Variants in ANOS1 observed in about 807,000 individuals in gnomAD.
ANOS1 encodes the protein anosmin-1.
Under a neutral mutation model 59.0 loss-of-function variants are expected in ANOS1, and 6 were observed. The ratio of observed to expected loss-of-function variants is 0.10; its 90% confidence interval spans 0.06 to 0.20. ANOS1 has a LOEUF of 0.20. ANOS1 is among the 10% of genes least tolerant of loss of function. The pLI, the probability that ANOS1 is intolerant of heterozygous loss-of-function variation, is 1.00. For missense variants in ANOS1, 433 were observed against 542.3 expected (o/e 0.80, Z 2.00); for synonymous variants, 217 against 223.4 (o/e 0.97, Z 0.25).
intron 7 of ANOS1, among the ~76,000 whole-genome samples, chrX:8,569,408 C>T (rs775796418): frequency 0.011 from 1,204 of 112,289 alleles, 8 homozygotes; most frequent in Non-Finnish European, 0.018. Context: ...TTTGGGAGGC[C>T]AAGGTGGGCG....
At chrX:8,650,400 C>T (rs1369226278) in intron 2 of ANOS1, among the ~76,000 whole-genome samples, 2 of 111,847 alleles carry the variant, frequency 1.8e-5, no homozygotes, top group Admixed American at 9.5e-5. Context: ...CAACAGTAGG[C>T]GTTTCAAGAG....
chrX:8,646,572 A>G (rs1047728424), intron 2 of ANOS1, among the ~76,000 whole-genome samples: 1 of 111,055 alleles, frequency 9.0e-6, no homozygotes, highest in African/African-American at 3.3e-5. Context: ...GATTACAATT[A>G]TAAGTAAAGG....
intron 3 of ANOS1, among the ~76,000 whole-genome samples, chrX:8,619,316 C>T (rs768155724): frequency 2.7e-5 from 3 of 110,609 alleles, no homozygotes; most frequent in East Asian, 5.8e-4. Context: ...TAAAAAATGA[C>T]ATTTATTGGC....
At chrX:8,596,107 G>A (rs1385872860) in intron 4 of ANOS1, among the ~76,000 whole-genome samples, 1 of 110,940 alleles carries the variant, frequency 9.0e-6, no homozygotes, top group Non-Finnish European at 1.9e-5. Context: ...TCTACGTGAC[G>A]GTGAGTTGTA....
intron 2 of ANOS1, among the ~76,000 whole-genome samples, chrX:8,678,303 T>C (rs138872684): frequency 1.8e-3 from 206 of 111,936 alleles, no homozygotes; most frequent in African/African-American, 5.7e-3. Flanking sequence ...GAATCCAAGT[T>C]CAAAGGGAAT....
intron 2 of ANOS1, among the ~76,000 whole-genome samples, chrX:8,689,181 T>C (rs1488394904): frequency 1.8e-5 from 2 of 112,111 alleles, no homozygotes; most frequent in African/African-American, 6.5e-5. Flanking sequence ...ATTTAAGAAA[T>C]GGTGTTTTGA....
At position 8,717,178 on chromosome X, in the gene ANOS1, C is replaced by A. The variant is rs769330951; in HGVS notation, c.207+14652G>T. Reference sequence around the variant, plus strand: ...CGAATATATGGAAATTAAATTCTAGCCCTAATTTCATGAGGTTATGTAAAA... The same window carrying A: ...CGAATATATGGAAATTAAATTCTAGACCTAATTTCATGAGGTTATGTAAAA... On this transcript the variant is annotated intron_variant, in intron 1 of 13. Coordinates refer to ENST00000262648, the MANE Select transcript of ANOS1 (RefSeq NM_000216.4). Among the ~76,000 whole-genome samples the A allele has an allele frequency of 3.6e-5, 4 of 112,024 alleles. No individual in the cohort carries two copies. The East Asian group carries it at 8.5e-4, about 24-fold the overall frequency.
At chrX:8,597,660 T>C (rs1336187049) in intron 3 of ANOS1, among the ~76,000 whole-genome samples, 1,057 of 7,930 alleles carry the variant, frequency 0.13, 61 homozygotes, top group East Asian at 0.56. Context: ...CTTTCTCCCT[T>C]TTTTTTTTTT....
chrX:8,650,846 T>A (rs1273573878), intron 2 of ANOS1, among the ~76,000 whole-genome samples: 1 of 112,504 alleles, frequency 8.9e-6, no homozygotes, highest in Non-Finnish European at 1.9e-5. Context: ...CAATTTGTAG[T>A]CACAGAGGGA....
intron 8 of ANOS1, 92 bp downstream of exon 8, chrX:8,568,140 A>G: frequency 1.1e-6 from 1 of 948,774 alleles, no homozygotes; most frequent in South Asian, 2.0e-5. Context: ...ATTATTCCAA[A>G]TCAAAAACTC....
chrX:8,626,777 C>T (rs1054855609), intron 2 of ANOS1, among the ~76,000 whole-genome samples: 3 of 106,074 alleles, frequency 2.8e-5, no homozygotes, highest in African/African-American at 6.9e-5. Context: ...AGGAGAATGG[C>T]GTGAACCCGA....
intron 2 of ANOS1, among the ~76,000 whole-genome samples, chrX:8,653,907 A>G (rs1323556212): frequency 1.8e-5 from 2 of 112,368 alleles, no homozygotes; most frequent in Non-Finnish European, 3.7e-5. Flanking sequence ...AAAGAAGCCA[A>G]TGACTTTGTT....
intron 2 of ANOS1, among the ~76,000 whole-genome samples, chrX:8,659,057 C>G (rs1481432430): frequency 9.0e-6 from 1 of 111,124 alleles, no homozygotes; most frequent in Non-Finnish European, 1.9e-5. Context: ...AACACTGTCT[C>G]TACTAAAAAT....
chrX:8,613,854 C>A (rs1363370586), intron 3 of ANOS1, among the ~76,000 whole-genome samples: 1 of 111,968 alleles, frequency 8.9e-6, no homozygotes, highest in Non-Finnish European at 1.9e-5. Context: ...GAAGTACAAC[C>A]ACACACTTGC....
chrX:8,658,037 T>G (rs759169868), intron 2 of ANOS1, among the ~76,000 whole-genome samples: 1 of 111,484 alleles, frequency 9.0e-6, no homozygotes, highest in Non-Finnish European at 1.9e-5. Flanking sequence ...GGGCATTAAC[T>G]CCCAGTACCT....
At chrX:8,550,789 A>G (rs1929844016) in intron 9 of ANOS1, among the ~76,000 whole-genome samples, 1 of 110,486 alleles carries the variant, frequency 9.1e-6, no homozygotes, top group East Asian at 2.8e-4. Flanking sequence ...AAAAAAAAAA[A>G]AGAACACTGA....
At chrX:8,698,473 C>T (rs183071150) in intron 2 of ANOS1, among the ~76,000 whole-genome samples, 3 of 112,280 alleles carry the variant, frequency 2.7e-5, no homozygotes, top group East Asian at 2.8e-4. Flanking sequence ...AAAAAGAATA[C>T]TTATGAAATT....
chrX:8,679,053 A>C lies in ANOS1; in HGVS notation c.255+20645T>G, dbSNP rs188354921. On this transcript the variant is annotated intron_variant, in intron 2 of 13. Coordinates refer to ENST00000262648, the MANE Select transcript of ANOS1 (RefSeq NM_000216.4). ...GTGAACAACCACCCAAAGAGAGCAAAGTAAACAACTTTAATTACAAAACAG... is the reference window on the plus strand; with the variant it reads ...GTGAACAACCACCCAAAGAGAGCAACGTAAACAACTTTAATTACAAAACAG... 6.0e-3 allele frequency among the ~76,000 whole-genome samples: 667 copies of C among 111,648 alleles called. 5 individuals are homozygous for C. The highest frequency in any genetic ancestry group is 0.021 in the African/African-American group (631 of 30,709).
At chrX:8,614,311 T>C (rs752014824) in intron 3 of ANOS1, among the ~76,000 whole-genome samples, 4 of 112,396 alleles carry the variant, frequency 3.6e-5, no homozygotes, top group Non-Finnish European at 7.5e-5. Context: ...ACACAGCCTC[T>C]TCTCTCTCCT....
Sources: gnomAD v4.1 joint callset for allele counts (sites outside exome capture counted in the v4.1 genomes callset) on GRCh38, gnomAD v4.1.1 for gene constraint, MANE v1.5 for transcripts, NCBI Gene and HGNC (gene_info 2026-07-23, HGNC 2026-07-21) for gene names.